STAM: variants seen among roughly 807,000 people sequenced by gnomAD.
STAM encodes signal transducing adaptor molecule.
In STAM, 16 loss-of-function variants were observed where a neutral mutation model predicts 63.4. The observed-to-expected ratio is 0.25, with a 90% CI of 0.17 to 0.38. The LOEUF is 0.38. Ranked by LOEUF, STAM falls within the 10% of genes least tolerant of loss-of-function variation. The pLI is 1.00. For synonymous variants in STAM, 238 were observed against 223.9 expected, an observed-to-expected ratio of 1.06 and a Z score of -0.56; for missense variants, 636 against 657.1, an observed-to-expected ratio of 0.97 and a Z score of 0.35.
chr10:17,714,792 C>T lies in STAM; in HGVS notation c.*12C>T. 2 of 1,610,948 alleles carry T rather than the reference C, an allele frequency of 1.2e-6. No homozygotes were observed. The highest frequency in any genetic ancestry group is 1.7e-6 in the Non-Finnish European group (2 of 1,177,160). Reference sequence around the variant, plus strand: ...AGGCTCTGCTATAGGACCCGGTGTTCCTCTTGGTGGCAGATACCTGCTAAA... The same window carrying T: ...AGGCTCTGCTATAGGACCCGGTGTTTCTCTTGGTGGCAGATACCTGCTAAA... On this transcript the variant is annotated 3_prime_UTR_variant, in exon 14 of 14. Coordinates refer to ENST00000377524, the MANE Select transcript of STAM (RefSeq NM_003473.4).
intron 4 of STAM, 22 bp downstream of exon 4, chr10:17,684,949 A>G: frequency 6.4e-7 from 1 of 1,569,698 alleles, no homozygotes. Flanking sequence ...TATTTCCAGA[A>G]ATTAATTAAG....
Position 17,644,202 on chromosome 10 carries a change from A to C in STAM, c.-138A>C. The C allele has an allele frequency of 1.1e-6, 1 of 889,340 alleles. No individual in the cohort carries two copies. Among genetic ancestry groups the C allele is most frequent in the Non-Finnish European group, 1.8e-6 (1 of 557,546 alleles). The allele number at this position is 889,340 out of a possible 1,614,324, so 55.1% of individuals were successfully genotyped here. The stretch of plus-strand genomic sequence containing the variant: ...CTGCCGCGGTTGGTGGGGTTGGGTG[A>C]GAGGAGGAGCTGTCGCGGACCCTGT... On this transcript the variant is annotated 5_prime_UTR_variant, in exon 1 of 14. Coordinates refer to ENST00000377524, the MANE Select transcript of STAM (RefSeq NM_003473.4).
chr10:17,655,888 G>A (rs1209430702), intron 1 of STAM, among the ~76,000 whole-genome samples: 2 of 152,092 alleles, frequency 1.3e-5, no homozygotes, highest in South Asian at 4.2e-4. Flanking sequence ...CTCTGCTTCT[G>A]TACAGCTGTT....
At chr10:17,661,445 T>A (rs1554822870) in intron 2 of STAM, among the ~76,000 whole-genome samples, 1 of 152,194 alleles carries the variant, frequency 6.6e-6, no homozygotes, top group Admixed American at 6.5e-5. Flanking sequence ...TTTCTAAGAT[T>A]TTTTCTTTTG....
At chr10:17,657,083 G>A (rs576439331) in intron 1 of STAM, among the ~76,000 whole-genome samples, 168 of 152,254 alleles carry the variant, frequency 1.1e-3, no homozygotes, top group Admixed American at 4.6e-3. Flanking sequence ...AGTGCCCCAG[G>A]AAGGTCGTAT....
At chr10:17,660,035 C>T (rs752044314) in intron 1 of STAM, among the ~76,000 whole-genome samples, 28 of 150,206 alleles carry the variant, frequency 1.9e-4, no homozygotes, top group Non-Finnish European at 2.7e-4. Context: ...CCTTCAGTCC[C>T]CTCTCCATAT....
chr10:17,695,246 T>C lies in STAM; in HGVS notation c.728+5T>C, dbSNP rs1254651373. The C allele has an allele frequency of 2.5e-6, 4 of 1,610,978 alleles. No individual in the cohort carries two copies. Among genetic ancestry groups the C allele is most frequent in the Non-Finnish European group, 3.4e-6 (4 of 1,178,160 alleles). ...TATTACAGTTCTTGATGACAGGTAA[T>C]GTTAATATTACATTTAAAATTTGTA... On this transcript the variant is annotated splice_donor_5th_base_variant and intron_variant, in intron 7 of 13. Transcript: ENST00000377524.
intron 9 of STAM, among the ~76,000 whole-genome samples, chr10:17,701,393 G>A (rs1240219191): frequency 1.3e-5 from 2 of 152,172 alleles, no homozygotes; most frequent in African/African-American, 4.8e-5. Flanking sequence ...AAACCATTAA[G>A]GATTTTTGAA....
chr10:17,666,196 G>A (rs1381047491), intron 2 of STAM, among the ~76,000 whole-genome samples: 4 of 152,098 alleles, frequency 2.6e-5, no homozygotes, highest in African/African-American at 9.7e-5. Flanking sequence ...TTTAGCCAAA[G>A]ATATAGTTGA....
Position 17,708,701 on chromosome 10 carries a change from A to T in STAM, c.1210-75A>T, listed in dbSNP as rs1419342317. On this transcript the variant is annotated intron_variant, in intron 12 of 13. Coordinates refer to ENST00000377524, the MANE Select transcript of STAM (RefSeq NM_003473.4). ...TGATTTTTCTTGTTTTTGTAACTGA[A>T]TACCTCTACAGAGAAAGTTCAGTAT... 10 of 1,363,698 alleles carry T rather than the reference A, an allele frequency of 7.3e-6. No homozygotes were observed. In the Admixed American group the frequency reaches 1.2e-4, roughly 16 times the overall value. The allele number at this position is 1,363,698 out of a possible 1,614,324, so 84.5% of individuals were successfully genotyped here.
chr10:17,697,619 AGT>A (rs1835817887), intron 8 of STAM, among the ~76,000 whole-genome samples: 1 of 152,234 alleles, frequency 6.6e-6, no homozygotes, highest in Non-Finnish European at 1.5e-5. Flanking sequence ...CGGTCAAAGT[AGT>A]GAGAGACAGT....
intron 5 of STAM, among the ~76,000 whole-genome samples, chr10:17,691,541 T>C (rs1473698407): frequency 6.6e-6 from 1 of 151,880 alleles, no homozygotes; most frequent in Admixed American, 6.6e-5. Context: ...TAAATGCCTG[T>C]GCATTTGTTT....
intron 2 of STAM, among the ~76,000 whole-genome samples, chr10:17,663,412 G>T (rs1834253690): frequency 6.6e-6 from 1 of 151,722 alleles, no homozygotes; most frequent in Non-Finnish European, 1.5e-5. Flanking sequence ...TATTTGAATT[G>T]TCAGTTGGGG....
chr10:17,708,908 A>G lies in STAM; in HGVS notation c.1342A>G (p.Asn448Asp). Residue 448 changes from asparagine (N) to aspartate (D), a missense_variant, in exon 13 of 14, where the codon AAC (asparagine) becomes GAC (aspartate). This residue lies in a region of STAM where 532 missense variants were observed against 536.9 expected (regional missense o/e 0.99). Coordinates refer to ENST00000377524, the MANE Select transcript of STAM (RefSeq NM_003473.4). The stretch of plus-strand genomic sequence containing the variant: ...CCAGGCAGTGGTCCCACCATCCGCA[A>G]ACCCAGCCCTTCCTAGTCAGCAGAC... ...LSQAVVPPSA[N>D]PALPSQQTQA... 6.2e-7 allele frequency: 1 copy of G among 1,614,160 alleles called. No homozygotes were observed. Among genetic ancestry groups the G allele is most frequent in the Non-Finnish European group, 8.5e-7 (1 of 1,180,020 alleles).
At chr10:17,653,813 G>A (rs1257307354) in intron 1 of STAM, among the ~76,000 whole-genome samples, 1 of 152,168 alleles carries the variant, frequency 6.6e-6, no homozygotes, top group East Asian at 1.9e-4. Context: ...CATACATTTT[G>A]GTATCTGTGG....
intron 2 of STAM, among the ~76,000 whole-genome samples, chr10:17,667,053 G>A (rs1235880792): frequency 6.6e-6 from 1 of 152,106 alleles, no homozygotes; most frequent in African/African-American, 2.4e-5. Flanking sequence ...CAACTTTCAA[G>A]TGAGAAATCT....
intron 2 of STAM, among the ~76,000 whole-genome samples, chr10:17,674,912 T>A (rs1041328564): frequency 6.6e-6 from 1 of 152,208 alleles, no homozygotes; most frequent in Non-Finnish European, 1.5e-5. Context: ...AATTCCACTT[T>A]TGATACTTGA....
chr10:17,681,218 T>C (rs10904992), intron 2 of STAM, among the ~76,000 whole-genome samples: 12,014 of 144,300 alleles, frequency 0.083, 696 homozygotes, highest in African/African-American at 0.15. Flanking sequence ...TTTTTTTTAA[T>C]GTAGGTGCTT....
intron 6 of STAM, among the ~76,000 whole-genome samples, chr10:17,693,540 T>C (rs890849650): frequency 1.8e-4 from 28 of 152,358 alleles, no homozygotes; most frequent in African/African-American, 6.7e-4. Context: ...AAAAACAATA[T>C]CAAGTGCTTT....
Sources: allele counts gnomAD v4.1 joint callset (sites outside exome capture counted in the v4.1 genomes callset), GRCh38; gene constraint gnomAD v4.1.1; regional missense constraint gnomAD v4.1.1; transcripts MANE v1.5; gene names NCBI Gene and HGNC (gene_info 2026-07-23, HGNC 2026-07-21).